Variants in CSMD1 observed in about 807,000 individuals in gnomAD.
CSMD1 encodes CUB and Sushi multiple domains 1, also known as CUB and sushi domain-containing protein 1.
CSMD1 carries 213 observed loss-of-function variants against 417.5 expected under a neutral mutation model. The ratio of observed to expected loss-of-function variants is 0.51; its 90% CI spans 0.46 to 0.57. The LOEUF is 0.57. Ranked by LOEUF, CSMD1 falls within the 20% of genes least tolerant of loss-of-function variation. The pLI, the probability that CSMD1 is intolerant of heterozygous loss-of-function variation, is 0.00. For missense variants in CSMD1, 6,923 were observed against 4,529.7 expected, an observed-to-expected ratio of 1.53 and a Z score of -15.17; for synonymous variants, 2,862 against 1,736.8, an observed-to-expected ratio of 1.65 and a Z score of -16.11.
chr8:4,480,506 T>C (rs377346042), intron 2 of CSMD1, among the ~76,000 whole-genome samples: 11 of 152,324 alleles, frequency 7.2e-5, no homozygotes, highest in Non-Finnish European at 1.3e-4. Flanking sequence ...AACCAGATAC[T>C]TGGTGGACGG....
intron 7 of CSMD1, among the ~76,000 whole-genome samples, chr8:3,626,392 G>T (rs1796495216): frequency 6.6e-6 from 1 of 152,132 alleles, no homozygotes; most frequent in Non-Finnish European, 1.5e-5. Context: ...ATTTGACTAG[G>T]CCAGTTTATA....
intron 1 of CSMD1, among the ~76,000 whole-genome samples, chr8:4,710,164 G>A (rs1375347704): frequency 6.6e-6 from 1 of 151,888 alleles, no homozygotes; most frequent in East Asian, 1.9e-4. Flanking sequence ...CTGTCTGCAT[G>A]CTTTCCTCTG....
intron 7 of CSMD1, among the ~76,000 whole-genome samples, chr8:3,679,562 T>C (rs1414767217): frequency 7.2e-5 from 11 of 152,104 alleles, no homozygotes; most frequent in Non-Finnish European, 1.5e-4. Context: ...ACAGAGAGAC[T>C]TAGACTCCCA....
intron 1 of CSMD1, among the ~76,000 whole-genome samples, chr8:4,913,116 G>C (rs1034358326): frequency 6.6e-6 from 1 of 152,110 alleles, no homozygotes. Flanking sequence ...AAAAAATCGT[G>C]AGGGATCACA....
chr8:3,241,467 G>A (rs1799514615), intron 26 of CSMD1, among the ~76,000 whole-genome samples: 1 of 152,168 alleles, frequency 6.6e-6, no homozygotes, highest in Non-Finnish European at 1.5e-5. Flanking sequence ...AGGTGATCTG[G>A]CAGTGTCAGT....
At chr8:3,695,646 G>A (rs376018798) in intron 7 of CSMD1, among the ~76,000 whole-genome samples, 19 of 152,196 alleles carry the variant, frequency 1.2e-4, no homozygotes, top group African/African-American at 4.6e-4. Flanking sequence ...GGAAATTTAG[G>A]TCGAAATATA....
At chr8:3,945,320 A>G (rs1811149688) in intron 5 of CSMD1, among the ~76,000 whole-genome samples, 1 of 152,138 alleles carries the variant, frequency 6.6e-6, no homozygotes, top group African/African-American at 2.4e-5. Flanking sequence ...ATTAACTTAT[A>G]CTTAAAATTA....
At chr8:3,663,343 G>C (rs1798514718) in intron 7 of CSMD1, among the ~76,000 whole-genome samples, 1 of 152,150 alleles carries the variant, frequency 6.6e-6, no homozygotes. Flanking sequence ...CGTTCTGTTT[G>C]GAACATGGCA....
intron 18 of CSMD1, among the ~76,000 whole-genome samples, chr8:3,380,228 G>A (rs533713463): frequency 6.6e-6 from 1 of 152,186 alleles, no homozygotes. Flanking sequence ...TCACTAAAAA[G>A]TCAGGAAACA....
chr8:3,933,200 A>G (rs1185717488), intron 5 of CSMD1, among the ~76,000 whole-genome samples: 1 of 135,792 alleles, frequency 7.4e-6, no homozygotes, highest in Non-Finnish European at 1.6e-5. Context: ...CATTTTTTCC[A>G]AAACAATTTC....
At chr8:3,842,863 T>C (rs1460956332) in intron 5 of CSMD1, among the ~76,000 whole-genome samples, 1 of 152,178 alleles carries the variant, frequency 6.6e-6, no homozygotes, top group Non-Finnish European at 1.5e-5. Context: ...ATAGGATTAA[T>C]ATCATTTGTT....
chr8:3,096,878 T>C lies in CSMD1; in HGVS notation c.7109A>G (p.Lys2370Arg). The C allele has an allele frequency of 1.9e-6, 3 of 1,556,756 alleles. No individual in the cohort carries two copies. Among genetic ancestry groups the C allele is most frequent in the Non-Finnish European group, 1.7e-6 (2 of 1,149,004 alleles). The change falls in exon 47 of 70, where the codon AAG becomes AGG. Residue 2370 changes from lysine to arginine, a missense_variant. Physicochemically the swap from Lys to Arg is conservative, Grantham distance 26. Coordinates refer to ENST00000635120, the MANE Select transcript of CSMD1 (RefSeq NM_033225.6). ...TIFVDTFQSE[K>R]QFDALEVFDG... ...AAACACTTCCAGTGCATCAAACTGC[T>C]TTTCACTTTGAAATGTGTCCACAAA... is the stretch of plus-strand genomic sequence containing the variant.
chr8:4,898,735 G>A (rs1035277247), intron 1 of CSMD1, among the ~76,000 whole-genome samples: 2 of 152,118 alleles, frequency 1.3e-5, no homozygotes, highest in Non-Finnish European at 2.9e-5. Flanking sequence ...AAACCTCTCT[G>A]ACTTTCATGT....
intron 3 of CSMD1, among the ~76,000 whole-genome samples, chr8:4,279,793 T>C (rs1044913248): frequency 1.3e-5 from 2 of 151,628 alleles, no homozygotes; most frequent in Admixed American, 1.3e-4. Flanking sequence ...AGGCCAGGAG[T>C]GTTGGATTAT....
At chr8:4,195,968 T>G (rs769903105) in intron 3 of CSMD1, among the ~76,000 whole-genome samples, 2 of 151,656 alleles carry the variant, frequency 1.3e-5, no homozygotes, top group African/African-American at 2.4e-5. Context: ...TCCCAACACT[T>G]TGGGGCACCG....
At chr8:4,330,767 C>A (rs1799825340) in intron 3 of CSMD1, among the ~76,000 whole-genome samples, 1 of 152,070 alleles carries the variant, frequency 6.6e-6, no homozygotes, top group South Asian at 2.1e-4. Flanking sequence ...TGCGGCATCT[C>A]CTCCCTACTT....
intron 1 of CSMD1, among the ~76,000 whole-genome samples, chr8:4,682,714 A>G (rs1197387182): frequency 6.6e-6 from 1 of 151,740 alleles, no homozygotes; most frequent in African/African-American, 2.4e-5. Flanking sequence ...CTCTAATTCT[A>G]TATTATTTGT....
intron 1 of CSMD1, among the ~76,000 whole-genome samples, chr8:4,672,714 A>G (rs1424562803): frequency 6.6e-6 from 1 of 152,218 alleles, no homozygotes; most frequent in Non-Finnish European, 1.5e-5. Flanking sequence ...ACACATGCAC[A>G]CATGGTGACA....
At chr8:3,546,254 A>T (rs1798657643) in intron 10 of CSMD1, among the ~76,000 whole-genome samples, 1 of 140,376 alleles carries the variant, frequency 7.1e-6, no homozygotes, top group Non-Finnish European at 1.5e-5. Flanking sequence ...TGGCCACGTG[A>T]ATTTTTCCTC....
Sources: gnomAD v4.1 joint callset for allele counts (sites outside exome capture counted in the v4.1 genomes callset) on GRCh38, gnomAD v4.1.1 for gene constraint, MANE v1.5 for transcripts, NCBI Gene and HGNC (gene_info 2026-07-23, HGNC 2026-07-21) for gene names.